Variants in FBXW7 observed in about 807,000 individuals in gnomAD.
FBXW7 encodes the protein F-box and WD repeat domain containing 7.
FBXW7 carries 11 observed loss-of-function variants against 86.3 expected under a neutral mutation model. That is an observed-to-expected ratio of 0.13 (90% CI 0.08 to 0.21). FBXW7 has a LOEUF of 0.21. FBXW7 is among the 10% of genes least tolerant of loss of function. The pLI is 1.00. For synonymous variants in FBXW7, 313 were observed against 297.9 expected, an observed-to-expected ratio of 1.05 and a Z score of -0.52; for missense variants, 488 against 847.4, an observed-to-expected ratio of 0.58 and a Z score of 5.27.
At chr4:152,363,919 C>A (rs921493385) in intron 4 of FBXW7, among the ~76,000 whole-genome samples, 1 of 152,078 alleles carries the variant, frequency 6.6e-6, no homozygotes, top group African/African-American at 2.4e-5. Context: ...AAATAGGGTT[C>A]TCTATATACA....
At chr4:152,487,852 T>C (rs1210707886) in intron 2 of FBXW7, among the ~76,000 whole-genome samples, 2 of 152,078 alleles carry the variant, frequency 1.3e-5, no homozygotes, top group Admixed American at 6.6e-5. Flanking sequence ...AGTTCTGTAA[T>C]TCTTGCTGTT....
chr4:152,411,165 G>T, intron 4 of FBXW7, 138 bp downstream of exon 4: 1 of 1,231,920 alleles, frequency 8.1e-7, no homozygotes, highest in South Asian at 2.2e-5. Context: ...CCTTCTGTAA[G>T]ACAAAAAACT....
chr4:152,511,038 AT>A (rs774650775), intron 2 of FBXW7, among the ~76,000 whole-genome samples: 285 of 140,624 alleles, frequency 2.0e-3, no homozygotes, highest in Admixed American at 3.6e-3. Context: ...ACCACGGTTA[AT>A]TTTTTTTTTT....
intron 6 of FBXW7, 143 bp from the exon 7 acceptor site, chr4:152,338,079 T>C (rs1332866768): frequency 1.8e-6 from 1 of 551,770 alleles, no homozygotes; most frequent in Non-Finnish European, 2.8e-6. Context: ...TGACATTTTT[T>C]CCACAAGGCA....
Position 152,321,853 on chromosome 4 carries a change from A to T in FBXW7, c.*1028T>A. The T allele has an allele frequency of 4.3e-6, 1 of 232,888 alleles. No homozygotes were observed. The highest frequency in any genetic ancestry group is 1.8e-4 in the South Asian group (1 of 5,514). 14.4% of individuals were successfully genotyped at this position (232,888 alleles called of 1,614,324 possible). ...GTTTTAATTTTTGCCCAGATAAAAG[A>T]AAATAAGCTTTGCACACACTCTCAA... On this transcript the variant is annotated 3_prime_UTR_variant, in exon 14 of 14. Coordinates refer to ENST00000281708, the MANE Select transcript of FBXW7 (RefSeq NM_001349798.2).
At chr4:152,431,397 T>A (rs1739878800) in intron 2 of FBXW7, among the ~76,000 whole-genome samples, 1 of 152,162 alleles carries the variant, frequency 6.6e-6, no homozygotes, top group East Asian at 1.9e-4. Context: ...AAAAAAAAGC[T>A]GATTTGTTAA....
chr4:152,528,261 G>A (rs939437235), intron 2 of FBXW7, among the ~76,000 whole-genome samples: 1 of 152,104 alleles, frequency 6.6e-6, no homozygotes, highest in African/African-American at 2.4e-5. Flanking sequence ...AGAAAGAAAG[G>A]GCAAAGGTGA....
At chr4:152,376,901 T>G (rs897423849) in intron 4 of FBXW7, among the ~76,000 whole-genome samples, 1 of 151,862 alleles carries the variant, frequency 6.6e-6, no homozygotes, top group Non-Finnish European at 1.5e-5. Context: ...ATGACTAAAA[T>G]TGTTACATAA....
intron 4 of FBXW7, among the ~76,000 whole-genome samples, chr4:152,359,963 C>A (rs1408324480): frequency 6.6e-6 from 1 of 152,092 alleles, no homozygotes; most frequent in Non-Finnish European, 1.5e-5. Flanking sequence ...AAGGAAATTA[C>A]CACCTGTGGA....
Position 152,536,015 on chromosome 4 carries a change from C to T in FBXW7, c.-1101G>A. ...TCAGTCTCAGCGGCGGCGGCGGCGG[C>T]AGCGGCAGCGGCAGCGCCCGGAGCT... is the stretch of plus-strand genomic sequence containing the variant. On this transcript the variant is annotated 5_prime_UTR_variant, in exon 1 of 14. Coordinates refer to ENST00000281708, the MANE Select transcript of FBXW7 (RefSeq NM_001349798.2). 2 of 222,258 alleles carry T rather than the reference C, an allele frequency of 9.0e-6. No homozygotes were observed. Among genetic ancestry groups the T allele is most frequent in the African/African-American group, 2.3e-5 (1 of 43,106 alleles). 13.8% of individuals were successfully genotyped at this position (222,258 alleles called of 1,614,324 possible).
intron 4 of FBXW7, among the ~76,000 whole-genome samples, chr4:152,396,848 A>G (rs1201647618): frequency 6.6e-6 from 1 of 152,048 alleles, no homozygotes; most frequent in Admixed American, 6.6e-5. Context: ...ATTATCAGTT[A>G]GAGAATACTG....
At chr4:152,530,319 C>T (rs1011192363) in intron 2 of FBXW7, 1 of 152,092 alleles carries the variant, frequency 6.6e-6, no homozygotes, top group East Asian at 1.9e-4. Context: ...AACTTTAATG[C>T]TCTTATAATT....
intron 2 of FBXW7, among the ~76,000 whole-genome samples, chr4:152,531,884 A>T (rs1750051672): frequency 6.6e-6 from 1 of 152,100 alleles, no homozygotes; most frequent in African/African-American, 2.4e-5. Context: ...AAAAAAAAAA[A>T]ATTTTAGCTT....
At chr4:152,514,565 T>C (rs1348349056) in intron 2 of FBXW7, among the ~76,000 whole-genome samples, 1 of 152,134 alleles carries the variant, frequency 6.6e-6, no homozygotes, top group Admixed American at 6.5e-5. Context: ...GCCTGGGTCA[T>C]AGGAGCAGAT....
chr4:152,498,055 T>C (rs1222381726), intron 2 of FBXW7, among the ~76,000 whole-genome samples: 3 of 152,114 alleles, frequency 2.0e-5, no homozygotes, highest in Admixed American at 6.5e-5. Flanking sequence ...GAGAAAAGTA[T>C]GGGGAGGGAA....
At chr4:152,379,256 A>ATTTC in intron 4 of FBXW7, among the ~76,000 whole-genome samples, 1 of 152,184 alleles carries the variant, frequency 6.6e-6, no homozygotes, top group Non-Finnish European at 1.5e-5. Context: ...CCTACAAAAT[A>ATTTC]ACTGGTTATT....
At chr4:152,493,517 T>C (rs1746051029) in intron 2 of FBXW7, among the ~76,000 whole-genome samples, 1 of 152,164 alleles carries the variant, frequency 6.6e-6, no homozygotes, top group Non-Finnish European at 1.5e-5. Flanking sequence ...TGTGCCAAAC[T>C]GTCTCCCCCA....
At chr4:152,467,020 TAAG>T (rs1167017809) in intron 2 of FBXW7, among the ~76,000 whole-genome samples, 1 of 152,212 alleles carries the variant, frequency 6.6e-6, no homozygotes, top group Non-Finnish European at 1.5e-5. Flanking sequence ...ACAAGAAAGA[TAAG>T]AACCTGATAA....
intron 4 of FBXW7, among the ~76,000 whole-genome samples, chr4:152,398,787 A>C (rs1310478520): frequency 2.6e-5 from 4 of 152,106 alleles, no homozygotes; most frequent in Non-Finnish European, 4.4e-5. Flanking sequence ...AAGAGAGGCC[A>C]AAGATAGAAT....
Sources: gnomAD v4.1 joint callset for allele counts (sites outside exome capture counted in the v4.1 genomes callset) on GRCh38, gnomAD v4.1.1 for gene constraint, MANE v1.5 for transcripts, NCBI Gene and HGNC (gene_info 2026-07-23, HGNC 2026-07-21) for gene names.